The following PUDP variants were observed in gnomAD, a reference collection of about 807,000 sequenced individuals.
PUDP encodes the protein pseudouridine 5'-phosphatase, also known as pseudouridine-5'-phosphatase.
In PUDP, 8 loss-of-function variants were observed where a neutral mutation model predicts 9.4. The observed-to-expected ratio is 0.85, with a 90% CI of 0.50 to 1.53. PUDP has a LOEUF of 1.53. PUDP is among the 40% of genes most tolerant of loss of function. The pLI is 0.00. For synonymous variants in PUDP, 99 were observed against 80.7 expected (o/e 1.23, Z -1.22); for missense variants, 188 against 189.7 (o/e 0.99, Z 0.05).
intron 3 of PUDP, among the ~76,000 whole-genome samples, chrX:6,930,524 C>T (rs1015995877): frequency 9.0e-6 from 1 of 111,470 alleles, no homozygotes; most frequent in Non-Finnish European, 1.9e-5. Context: ...GGTCTAAAAG[C>T]GGGAGGAACT....
intron 1 of PUDP, among the ~76,000 whole-genome samples, chrX:7,137,471 T>G (rs1291371749): frequency 9.4e-6 from 1 of 106,771 alleles, no homozygotes; most frequent in South Asian, 4.1e-4. Context: ...GGCGTGAACC[T>G]GGGAGGCGGA....
chrX:6,810,696 G>C (rs1926129084), intron 3 of PUDP, among the ~76,000 whole-genome samples: 1 of 111,798 alleles, frequency 8.9e-6, no homozygotes, highest in Non-Finnish European at 1.9e-5. Flanking sequence ...ATTGAACTGA[G>C]AAATTACTGC....
At chrX:7,144,668 G>C (rs1355915330) in intron 1 of PUDP, among the ~76,000 whole-genome samples, 2 of 111,464 alleles carry the variant, frequency 1.8e-5, no homozygotes, top group Non-Finnish European at 3.8e-5. Flanking sequence ...AGGCACAGAA[G>C]AGGTCTTCAT....
At chrX:6,928,940 A>G (rs1403430442) in intron 3 of PUDP, among the ~76,000 whole-genome samples, 4 of 111,805 alleles carry the variant, frequency 3.6e-5, no homozygotes, top group African/African-American at 1.3e-4. Context: ...TAGTTATCCT[A>G]TCACTTTGTG....
chrX:6,846,129 A>C lies in PUDP; in HGVS notation c.*247+131004T>G, dbSNP rs1308184849. Reference sequence around the variant, plus strand: ...AAACATTGGTTTTGGAAACATTGGAAATTTTTTTTGAAAAGTGTCAGTTTT... The same window carrying C: ...AAACATTGGTTTTGGAAACATTGGACATTTTTTTTGAAAAGTGTCAGTTTT... On this transcript the variant is annotated intron_variant and NMD_transcript_variant, in intron 3 of 3. Transcript: ENST00000655425. Among the ~76,000 whole-genome samples the C allele has an allele frequency of 3.6e-5, 4 of 111,755 alleles. No homozygotes were observed. In the East Asian group the frequency reaches 1.1e-3, roughly 31 times the overall value.
At chrX:7,136,771 C>T (rs1024500198) in intron 1 of PUDP, among the ~76,000 whole-genome samples, 5 of 100,670 alleles carry the variant, frequency 5.0e-5, no homozygotes, top group African/African-American at 1.8e-4. Context: ...TTTACTGGTC[C>T]CGGTCCCTAG....
intron 1 of PUDP, among the ~76,000 whole-genome samples, chrX:6,721,057 ACTTT>A (rs759484150): frequency 8.9e-6 from 1 of 112,128 alleles, no homozygotes; most frequent in Admixed American, 9.5e-5. Flanking sequence ...GTTTAAATTT[ACTTT>A]CTTTATTTAA....
At chrX:6,906,341 G>A (rs192533437) in intron 3 of PUDP, among the ~76,000 whole-genome samples, 2 of 112,306 alleles carry the variant, frequency 1.8e-5, no homozygotes, top group East Asian at 5.6e-4. Flanking sequence ...TCTAGGGACA[G>A]TGAGTTGCAA....
At position 7,077,276 on chromosome X, in the gene PUDP, G is replaced by A; in HGVS notation, c.454C>T (p.Pro152Ser). The change falls in exon 3 of 4, where the codon CCG becomes TCG. Residue 152 changes from proline to serine, a missense_variant. Physicochemically the swap from Pro to Ser is moderately conservative, Grantham distance 74. Transcript: ENST00000381077. ...DPEVQHGKPD[P>S]DIFLACAKRF... ...TTGGCACAAGCTAGGAAGATGTCCG[G>A]GTCTGGCTTGCCATGCTGCACTTCG... The A allele has an allele frequency of 8.3e-7, 1 of 1,206,184 alleles. No individual in the cohort carries two copies. The highest frequency in any genetic ancestry group is 1.8e-5 in the South Asian group (1 of 55,865).
At chrX:6,966,545 ATT>A (rs748670894) in intron 3 of PUDP, among the ~76,000 whole-genome samples, 12 of 89,588 alleles carry the variant, frequency 1.3e-4, no homozygotes, top group East Asian at 3.6e-4. Context: ...TCGCCTTCAT[ATT>A]TTTTTTTTTT....
At chrX:6,815,446 G>A (rs1468979021) in intron 3 of PUDP, among the ~76,000 whole-genome samples, 1 of 112,382 alleles carries the variant, frequency 8.9e-6, no homozygotes, top group Non-Finnish European at 1.9e-5. Context: ...TATTTAGACT[G>A]TTGCCAGTCC....
At chrX:7,108,050 C>T (rs1438157893) in intron 1 of PUDP, among the ~76,000 whole-genome samples, 1 of 112,298 alleles carries the variant, frequency 8.9e-6, no homozygotes, top group South Asian at 3.7e-4. Flanking sequence ...GACACAAGGC[C>T]TGGGCAGTCA....
intron 3 of PUDP, among the ~76,000 whole-genome samples, chrX:6,741,724 C>A: frequency 9.1e-6 from 1 of 110,274 alleles, no homozygotes; most frequent in African/African-American, 3.3e-5. Context: ...AAGTAAATTC[C>A]TAATATCAAC....
At position 7,111,991 on chromosome X, in the gene PUDP, T is replaced by TAA. The variant is rs5901334; in HGVS notation, c.62-6155_62-6154dup. ...AGTGCCTCCTACCAAATATTTTGCTTAAAAAAAAAAAAAAGCAAACAAAAC... is the reference window on the plus strand; with the variant it reads ...AGTGCCTCCTACCAAATATTTTGCTTAAAAAAAAAAAAAAAAGCAAACAAAAC... On this transcript the variant is annotated intron_variant, in intron 1 of 3. Transcript: ENST00000381077. 4.5e-3 allele frequency among the ~76,000 whole-genome samples: 440 copies of TAA among 98,179 alleles called. 8 individuals are homozygous for TAA. The highest frequency in any genetic ancestry group is 0.036 in the Admixed American group (321 of 9,038). The allele number at this position is 98,179 out of a possible 115,157, so 85.3% of individuals were successfully genotyped here.
intron 3 of PUDP, among the ~76,000 whole-genome samples, chrX:6,938,489 C>T (rs1177439778): frequency 1.5e-5 from 1 of 68,890 alleles, no homozygotes; most frequent in Admixed American, 2.0e-4. Context: ...GTTGTGGGGT[C>T]GGGGGAGGGG....
chrX:7,036,796 T>C (rs1353890334), intron 1 of PUDP, among the ~76,000 whole-genome samples: 19 of 111,845 alleles, frequency 1.7e-4, no homozygotes, highest in Admixed American at 1.3e-3. Flanking sequence ...TCCCTTTTCA[T>C]TCTCATTTAT....
chrX:6,978,366 AG>A (rs1928984825), intron 1 of PUDP, among the ~76,000 whole-genome samples: 1 of 112,094 alleles, frequency 8.9e-6, no homozygotes, highest in African/African-American at 3.2e-5. Context: ...AGAGAGAGAG[AG>A]AGAACAACTT....
chrX:6,980,948 T>C (rs1307269743), intron 1 of PUDP, among the ~76,000 whole-genome samples: 3 of 111,273 alleles, frequency 2.7e-5, no homozygotes, highest in Admixed American at 1.9e-4. Context: ...AAGGGAAAAC[T>C]GCACTCTCTC....
intron 2 of PUDP, among the ~76,000 whole-genome samples, chrX:7,088,902 C>T (rs1217130279): frequency 3.6e-5 from 4 of 112,176 alleles, no homozygotes; most frequent in Non-Finnish European, 7.5e-5. Flanking sequence ...CTGACTCTAA[C>T]GTTGGCTACT....
Sources: gnomAD v4.1 joint callset for allele counts (sites outside exome capture counted in the v4.1 genomes callset) on GRCh38, gnomAD v4.1.1 for gene constraint, MANE v1.5 for transcripts, NCBI Gene and HGNC (gene_info 2026-07-23, HGNC 2026-07-21) for gene names.